Variants in SKI observed in about 807,000 individuals in gnomAD.
The protein encoded by SKI is ski oncogene.
In SKI, 23 loss-of-function variants were observed where a neutral mutation model predicts 59.3. That is an observed-to-expected ratio of 0.39 (90% confidence interval 0.28 to 0.55). The LOEUF (loss-of-function observed/expected upper bound fraction) is 0.55. Among genes scored for constraint, SKI ranks in the 20% least tolerant of loss-of-function variants. The pLI is 0.67. For missense variants in SKI, 1,017 were observed against 1,038.9 expected, an observed-to-expected ratio of 0.98 and a Z score of 0.29; for synonymous variants, 673 against 488.6, an observed-to-expected ratio of 1.38 and a Z score of -4.98.
rs573333615 is a variant in SKI, at chr1:2,270,172, C to T, written c.970-32806C>T. On this transcript the variant is annotated intron_variant, in intron 1 of 6. Transcript: ENST00000378536. This position sits in a 1 kb window ranked among gnomAD's most constrained non-coding sequence, Gnocchi z 4.1. Reference sequence around the variant, plus strand: ...GTAAAGTGTGGCCAGCACCTTGCTGCAAGAGAGGGACAGAGGTCATCTGTC... The same window carrying T: ...GTAAAGTGTGGCCAGCACCTTGCTGTAAGAGAGGGACAGAGGTCATCTGTC... Among the ~76,000 whole-genome samples the T allele has an allele frequency of 1.3e-5, 2 of 152,264 alleles. No individual in the cohort carries two copies. Among genetic ancestry groups the T allele is most frequent in the South Asian group, 2.1e-4 (1 of 4,830 alleles).
chr1:2,253,107 AAAAAT>A (rs1262322096), intron 1 of SKI, among the ~76,000 whole-genome samples: 1 of 151,982 alleles, frequency 6.6e-6, no homozygotes, highest in East Asian at 1.9e-4. Flanking sequence ...AAAAAAAAAA[AAAAAT>A]AGAGTTGCTA....
At chr1:2,257,347 G>T (rs959152125) in intron 1 of SKI, among the ~76,000 whole-genome samples, 7 of 152,272 alleles carry the variant, frequency 4.6e-5, no homozygotes, top group African/African-American at 1.7e-4. Flanking sequence ...GGCTGCAAGG[G>T]GGAGGGCACC....
chr1:2,292,048 C>T (rs1056727645), intron 1 of SKI, among the ~76,000 whole-genome samples: 2 of 152,306 alleles, frequency 1.3e-5, no homozygotes, highest in Admixed American at 1.3e-4. Context: ...ATTTCTTGAA[C>T]CGTGAAATCT....
chr1:2,274,866 C>G (rs955126056), intron 1 of SKI, among the ~76,000 whole-genome samples: 5 of 152,246 alleles, frequency 3.3e-5, no homozygotes, highest in African/African-American at 1.2e-4. Context: ...GCCACGGCCC[C>G]CTCCTGGCTT....
chr1:2,296,825 G>T (rs531546119), intron 1 of SKI, among the ~76,000 whole-genome samples: 8 of 152,124 alleles, frequency 5.3e-5, no homozygotes, highest in Admixed American at 6.5e-5. Context: ...GACTGAGGCC[G>T]CCACGTTCCT....
chr1:2,283,246 C>T (rs983028728), intron 1 of SKI, among the ~76,000 whole-genome samples: 2 of 152,242 alleles, frequency 1.3e-5, no homozygotes, highest in Non-Finnish European at 2.9e-5. Context: ...AACACTTCTC[C>T]CCACTTCTGC....
chr1:2,278,670 G>A (rs1429864753), intron 1 of SKI, among the ~76,000 whole-genome samples: 1 of 151,442 alleles, frequency 6.6e-6, no homozygotes. Flanking sequence ...TTTTTTTTAG[G>A]AAGTCACTGA....
At chr1:2,240,640 T>G (rs1638850428) in intron 1 of SKI, 1 of 985,348 alleles carries the variant, frequency 1.0e-6, no homozygotes, top group African/African-American at 1.7e-5. Flanking sequence ...CATACAGCAT[T>G]AACAAGAAAA....
intron 1 of SKI, among the ~76,000 whole-genome samples, chr1:2,264,326 G>A (rs1471300242): frequency 6.6e-6 from 1 of 152,194 alleles, no homozygotes; most frequent in Non-Finnish European, 1.5e-5. Context: ...CTGAAGTGCA[G>A]TGGCACGATC....
At position 2,304,507 on chromosome 1, in the gene SKI, G is replaced by C; in HGVS notation, c.1689G>C (p.Leu563=). 2 of 1,581,836 alleles carry C rather than the reference G, an allele frequency of 1.3e-6. No individual in the cohort carries two copies. The highest frequency in any genetic ancestry group is 1.7e-6 in the Non-Finnish European group (2 of 1,165,416). ...CCAAGGAAGCCAAAGAGAAGTTCCT[G>C]CATGAGGTGGTCAAGATGCGCGTGA... The part of the protein sequence containing the change: ...LDTKEAKEKF[L]HEVVKMRVKQ... Residue 563 remains leucine (L), a synonymous_variant, in exon 5 of 7, where the codon CTG becomes CTC. Coordinates refer to ENST00000378536, the MANE Select transcript of SKI (RefSeq NM_003036.4).
chr1:2,263,300 C>T (rs1331359056), intron 1 of SKI, among the ~76,000 whole-genome samples: 6 of 148,682 alleles, frequency 4.0e-5, no homozygotes, highest in Non-Finnish European at 8.9e-5. Context: ...TGCAGTGACA[C>T]GATCTTGGCT....
chr1:2,263,678 C>T (rs7547453), intron 1 of SKI, among the ~76,000 whole-genome samples: 49,066 of 151,302 alleles, frequency 0.32, 8,655 homozygotes, highest in Admixed American at 0.44. Context: ...CCTAAGTTTT[C>T]TGAAGAATTT....
At chr1:2,272,757 G>C (rs1399836465) in intron 1 of SKI, among the ~76,000 whole-genome samples, 2 of 152,168 alleles carry the variant, frequency 1.3e-5, no homozygotes, top group African/African-American at 4.8e-5. Context: ...TTGGAGTCTG[G>C]TTCCCGTCTC....
intron 1 of SKI, among the ~76,000 whole-genome samples, chr1:2,236,215 C>A (rs1638746954): frequency 1.3e-5 from 2 of 152,052 alleles, no homozygotes; most frequent in African/African-American, 4.8e-5. Flanking sequence ...GGGGTTGTTG[C>A]CTGTGTGGTT....
chr1:2,295,752 G>A (rs567764647), intron 1 of SKI, among the ~76,000 whole-genome samples: 2 of 152,252 alleles, frequency 1.3e-5, no homozygotes, highest in Non-Finnish European at 2.9e-5. Flanking sequence ...GTGTGTGTCC[G>A]GCCTCAGCAC....
At chr1:2,274,667 G>A (rs2100860653) in intron 1 of SKI, among the ~76,000 whole-genome samples, 1 of 152,348 alleles carries the variant, frequency 6.6e-6, no homozygotes, top group South Asian at 2.1e-4. Flanking sequence ...GGCAGATACT[G>A]CCCCCTGGCC....
At chr1:2,262,951 G>A (rs1016194598) in intron 1 of SKI, among the ~76,000 whole-genome samples, 1 of 152,058 alleles carries the variant, frequency 6.6e-6, no homozygotes, top group Non-Finnish European at 1.5e-5. Flanking sequence ...CCAGGCTGGA[G>A]TGCAATGGCG....
intron 1 of SKI, among the ~76,000 whole-genome samples, chr1:2,297,296 C>T (rs1640308144): frequency 6.6e-6 from 1 of 152,170 alleles, no homozygotes; most frequent in Non-Finnish European, 1.5e-5. Context: ...GGGTTGTATC[C>T]TTTTAAGGAA....
At chr1:2,275,500 C>T (rs896741868) in intron 1 of SKI, among the ~76,000 whole-genome samples, 1 of 152,074 alleles carries the variant, frequency 6.6e-6, no homozygotes, top group African/African-American at 2.4e-5. Flanking sequence ...GGAGAGTTTG[C>T]TTTTTCCAGA....
Sources: gnomAD v4.1 joint callset for allele counts (sites outside exome capture counted in the v4.1 genomes callset) on GRCh38, gnomAD v4.1.1 for gene constraint, Gnocchi (gnomAD v3.1) non-coding constraint, MANE v1.5 for transcripts, NCBI Gene and HGNC (gene_info 2026-07-23, HGNC 2026-07-21) for gene names.